PLCL2: variants seen among roughly 807,000 people sequenced by gnomAD.
PLCL2 encodes the protein phospholipase C like 2.
PLCL2 carries 4 observed loss-of-function variants against 79.6 expected under a neutral mutation model. That is an observed-to-expected ratio of 0.05 (90% CI 0.02 to 0.11). The LOEUF (loss-of-function observed/expected upper bound fraction) is 0.11, where lower values mean the gene tolerates loss of function less well. Among genes scored for constraint, PLCL2 ranks in the 10% least tolerant of loss-of-function variants. The probability of loss-of-function intolerance (pLI) is 1.00; values close to 1 mark genes in which losing one functional copy is unlikely to be tolerated. For missense variants in PLCL2, 895 were observed against 1,291.0 expected, an observed-to-expected ratio of 0.69 and a Z score of 4.70; for synonymous variants, 484 against 457.7, an observed-to-expected ratio of 1.06 and a Z score of -0.73.
intron 5 of PLCL2, among the ~76,000 whole-genome samples, chr3:17,069,546 G>A (rs562685958): frequency 1.5e-4 from 23 of 152,212 alleles, no homozygotes; most frequent in African/African-American, 5.1e-4. Context: ...CCGTGAGCCT[G>A]CTTCTTTAGT....
At chr3:16,941,027 T>C (rs190280621) in intron 1 of PLCL2, among the ~76,000 whole-genome samples, 1 of 152,312 alleles carries the variant, frequency 6.6e-6, no homozygotes, top group African/African-American at 2.4e-5. Context: ...GTAGGCTTGC[T>C]TATTCTAACC....
chr3:16,990,277 G>A (rs2064091694), intron 1 of PLCL2, among the ~76,000 whole-genome samples: 1 of 152,170 alleles, frequency 6.6e-6, no homozygotes, highest in Admixed American at 6.5e-5. Flanking sequence ...CCCTGTTTTA[G>A]GGTTAGCTAC....
chr3:16,956,300 T>A (rs2063704978), intron 1 of PLCL2, among the ~76,000 whole-genome samples: 1 of 152,246 alleles, frequency 6.6e-6, no homozygotes, highest in African/African-American at 2.4e-5. Context: ...GTGGTTTTTG[T>A]TTTTGGTTCT....
chr3:17,017,159 G>A (rs1289346054), intron 3 of PLCL2, among the ~76,000 whole-genome samples: 1 of 152,130 alleles, frequency 6.6e-6, no homozygotes, highest in Non-Finnish European at 1.5e-5. Context: ...TGGATTGGTA[G>A]ATGCTAGCTC....
At chr3:17,022,905 T>C (rs1295439080) in intron 3 of PLCL2, among the ~76,000 whole-genome samples, 1 of 152,216 alleles carries the variant, frequency 6.6e-6, no homozygotes, top group Non-Finnish European at 1.5e-5. Flanking sequence ...ATTGCATTCA[T>C]TACGTTATTC....
chr3:17,049,307 G>A (rs1022544441), intron 4 of PLCL2, among the ~76,000 whole-genome samples: 7 of 152,160 alleles, frequency 4.6e-5, no homozygotes, highest in Admixed American at 3.9e-4. Flanking sequence ...AAAATGTCAA[G>A]GTAATAGGCG....
intron 5 of PLCL2, among the ~76,000 whole-genome samples, chr3:17,070,446 T>G (rs376566782): frequency 6.6e-6 from 1 of 152,216 alleles, no homozygotes; most frequent in East Asian, 1.9e-4. Flanking sequence ...CTCAGACTTA[T>G]GTTCATATGG....
At chr3:16,985,875 G>A (rs2064044668) in intron 1 of PLCL2, among the ~76,000 whole-genome samples, 1 of 152,148 alleles carries the variant, frequency 6.6e-6, no homozygotes, top group Admixed American at 6.5e-5. Context: ...TCAACATTGA[G>A]GGAAATGGGA....
chr3:16,930,507 G>A (rs1559489008), intron 1 of PLCL2, among the ~76,000 whole-genome samples: 1 of 152,164 alleles, frequency 6.6e-6, no homozygotes, highest in African/African-American at 2.4e-5. Context: ...GATCAGAACT[G>A]CTATAAATGA....
chr3:16,956,401 C>T (rs1259274133), intron 1 of PLCL2, among the ~76,000 whole-genome samples: 4 of 152,118 alleles, frequency 2.6e-5, no homozygotes, highest in African/African-American at 9.6e-5. Context: ...GGTGGATAAG[C>T]TTTTTGATGT....
At chr3:16,949,755 A>G (rs1185567261) in intron 1 of PLCL2, among the ~76,000 whole-genome samples, 3 of 152,040 alleles carry the variant, frequency 2.0e-5, no homozygotes, top group African/African-American at 7.3e-5. Context: ...TAATGTAGTC[A>G]TTTCTGCTTA....
intron 1 of PLCL2, among the ~76,000 whole-genome samples, chr3:16,926,914 C>T (rs536190927): frequency 6.6e-6 from 1 of 152,070 alleles, no homozygotes; most frequent in Non-Finnish European, 1.5e-5. Context: ...CAGATGTAAG[C>T]CACCGCGCCC....
intron 1 of PLCL2, among the ~76,000 whole-genome samples, chr3:16,972,819 G>A (rs1359420503): frequency 6.6e-6 from 1 of 151,642 alleles, no homozygotes. Context: ...GTTTTTTTCT[G>A]TTTTCCATTT....
intron 4 of PLCL2, among the ~76,000 whole-genome samples, chr3:17,062,335 G>A (rs1575610700): frequency 1.3e-5 from 2 of 152,184 alleles, no homozygotes; most frequent in Non-Finnish European, 2.9e-5. Context: ...TTCTGACTGC[G>A]AAATATATAG....
chr3:16,973,348 C>G (rs1378143820), intron 1 of PLCL2, among the ~76,000 whole-genome samples: 1 of 145,058 alleles, frequency 6.9e-6, no homozygotes, highest in African/African-American at 2.6e-5. Flanking sequence ...TGCTGACCTG[C>G]CTTTAACTTT....
chr3:16,885,263 G>T lies in PLCL2; in HGVS notation c.224G>T (p.Gly75Val). 1 of 667,050 alleles carries T rather than the reference G, an allele frequency of 1.5e-6. No individual in the cohort carries two copies. Among genetic ancestry groups the T allele is most frequent in the Non-Finnish European group, 2.7e-6 (1 of 368,738 alleles). 41.3% of individuals were successfully genotyped at this position (667,050 alleles called of 1,614,324 possible). A position where few individuals can be genotyped will look rare whatever the true frequency, so the allele number is the denominator to read the frequency against. ...GDEARASPTR[G>V]PRGVALAPTP... ...GAAGCCCGGGCTAGCCCTACCAGGG[G>T]ACCCCGCGGCGTTGCGCTCGCCCCG... Residue 75 changes from glycine (G) to valine (V), a missense_variant, in exon 1 of 6, where the codon GGA becomes GTA. This residue lies in a region of PLCL2 where 110 missense variants were observed against 42.9 expected (regional missense o/e 2.56). Transcript: ENST00000615277.
intron 1 of PLCL2, among the ~76,000 whole-genome samples, chr3:16,893,415 T>A (rs980666739): frequency 1.3e-5 from 2 of 152,214 alleles, no homozygotes; most frequent in African/African-American, 4.8e-5. Context: ...ATACAACACA[T>A]TACTGTGTAG....
At chr3:16,962,084 G>A (rs1029744015) in intron 1 of PLCL2, among the ~76,000 whole-genome samples, 1 of 152,148 alleles carries the variant, frequency 6.6e-6, no homozygotes, top group Non-Finnish European at 1.5e-5. Context: ...GAGCATGGAC[G>A]CCCAGGAGTA....
chr3:17,086,919 C>A (rs987463695), intron 5 of PLCL2, among the ~76,000 whole-genome samples: 2 of 152,168 alleles, frequency 1.3e-5, no homozygotes, highest in African/African-American at 4.8e-5. Context: ...TCACATGTCA[C>A]TAGGAAATTA....
Sources: allele counts gnomAD v4.1 joint callset (sites outside exome capture counted in the v4.1 genomes callset), GRCh38; gene constraint gnomAD v4.1.1; regional missense constraint gnomAD v4.1.1; transcripts MANE v1.5; gene names NCBI Gene and HGNC (gene_info 2026-07-23, HGNC 2026-07-21).